ZNF250: variants seen among roughly 807,000 people sequenced by gnomAD.
ZNF250 encodes the protein zinc finger protein (clone 647).
Under a neutral mutation model 37.1 loss-of-function variants are expected in ZNF250, and 13 were observed. That is an observed-to-expected ratio of 0.35 (90% CI 0.23 to 0.56). ZNF250 has a LOEUF of 0.56. Ranked by LOEUF, ZNF250 falls within the 20% of genes least tolerant of loss-of-function variation. The probability of loss-of-function intolerance (pLI) is 0.87; values close to 1 mark genes in which losing one functional copy is unlikely to be tolerated. For missense variants in ZNF250, 474 were observed against 697.9 expected (o/e 0.68, Z 3.61); for synonymous variants, 251 against 265.6 (o/e 0.94, Z 0.54).
chr8:144,879,577 A>G lies in ZNF250; in HGVS notation c.*1938T>C, dbSNP rs925691957. 1 of 152,296 alleles carries G rather than the reference A, an allele frequency of 6.6e-6. No homozygotes were observed. The highest frequency in any genetic ancestry group is 1.5e-5 in the Non-Finnish European group (1 of 68,094). The allele number at this position is 152,296 out of a possible 1,614,324, so 9.4% of individuals were successfully genotyped here. On this transcript the variant is annotated 3_prime_UTR_variant, in exon 6 of 6. Coordinates refer to ENST00000417550, the MANE Select transcript of ZNF250 (RefSeq NM_001109689.4). ...GAGCAAGACCGTCTTTAAAACAAAC[A>G]AAAAGGATCAATATCCTGGTGACTA... is the stretch of plus-strand genomic sequence containing the variant.
At chr8:144,899,160 T>C (rs1438206925) in intron 1 of ZNF250, among the ~76,000 whole-genome samples, 1 of 152,090 alleles carries the variant, frequency 6.6e-6, no homozygotes, top group Non-Finnish European at 1.5e-5. Context: ...TTCACTCGTA[T>C]GTGTGAGTTA....
intron 4 of ZNF250, among the ~76,000 whole-genome samples, chr8:144,889,282 A>C (rs962286594): frequency 6.6e-6 from 1 of 152,238 alleles, no homozygotes; most frequent in African/African-American, 2.4e-5. Flanking sequence ...ATTAGGACCA[A>C]ATCTGGCTAA....
At chr8:144,893,396 T>A (rs1229249301) in intron 1 of ZNF250, among the ~76,000 whole-genome samples, 2 of 152,122 alleles carry the variant, frequency 1.3e-5, no homozygotes, top group Admixed American at 1.3e-4. Flanking sequence ...AGTGGCATGA[T>A]CTAGGCTCAC....
chr8:144,899,524 A>G (rs954602563), intron 1 of ZNF250, among the ~76,000 whole-genome samples: 9 of 152,200 alleles, frequency 5.9e-5, no homozygotes, highest in South Asian at 2.1e-4. Context: ...ATTATATTCA[A>G]TAAAAAAGAA....
rs1365519907 is a variant in ZNF250, at chr8:144,898,199, A to G, written c.-55+3200T>C. ...GTAATTCCAGCTCCTCCCAAGGCTG[A>G]GGCATGAGAATTGCTTGAACCTGGG... On this transcript the variant is annotated intron_variant, in intron 1 of 5. Coordinates refer to ENST00000417550, the MANE Select transcript of ZNF250 (RefSeq NM_001109689.4). Among the ~76,000 whole-genome samples the G allele has an allele frequency of 3.9e-5, 6 of 152,294 alleles. No individual in the cohort carries two copies. In the East Asian group the frequency reaches 1.2e-3, roughly 29 times the overall value.
chr8:144,899,386 G>C (rs1832954835), intron 1 of ZNF250, among the ~76,000 whole-genome samples: 1 of 152,114 alleles, frequency 6.6e-6, no homozygotes, highest in Non-Finnish European at 1.5e-5. Flanking sequence ...GAAGAGATGT[G>C]AAATGTTTCC....
chr8:144,899,441 T>C (rs1190763016), intron 1 of ZNF250, among the ~76,000 whole-genome samples: 3 of 152,244 alleles, frequency 2.0e-5, no homozygotes, highest in Admixed American at 2.0e-4. Flanking sequence ...CTAATTACCC[T>C]GATTTGATCA....
chr8:144,888,409 C>T (rs922211761), intron 4 of ZNF250, among the ~76,000 whole-genome samples: 2 of 151,842 alleles, frequency 1.3e-5, no homozygotes, highest in Admixed American at 1.3e-4. Flanking sequence ...CTAGCCTGGC[C>T]AACATGGTGA....
intron 1 of ZNF250, among the ~76,000 whole-genome samples, chr8:144,898,022 T>A (rs1832834565): frequency 6.6e-6 from 1 of 152,192 alleles, no homozygotes; most frequent in African/African-American, 2.4e-5. Flanking sequence ...TACAGAGATT[T>A]TGTTTATGGC....
intron 5 of ZNF250, among the ~76,000 whole-genome samples, chr8:144,886,361 A>G (rs1037591807): frequency 1.3e-5 from 2 of 152,156 alleles, no homozygotes; most frequent in Admixed American, 6.6e-5. Context: ...AACTAACTGC[A>G]TAAGAGACTA....
intron 1 of ZNF250, among the ~76,000 whole-genome samples, chr8:144,899,568 T>C (rs1832969615): frequency 6.6e-6 from 1 of 152,178 alleles, no homozygotes; most frequent in Non-Finnish European, 1.5e-5. Context: ...TTTTATTATT[T>C]CATGTGGGAA....
Position 144,890,082 on chromosome 8 carries a change from A to G in ZNF250, c.43-23T>C. 6.2e-7 allele frequency: 1 copy of G among 1,607,506 alleles called. No homozygotes were observed. The highest frequency in any genetic ancestry group is 8.5e-7 in the Non-Finnish European group (1 of 1,176,918). On this transcript the variant is annotated intron_variant, in intron 2 of 5. Coordinates refer to ENST00000417550, the MANE Select transcript of ZNF250 (RefSeq NM_001109689.4). This position sits in a 1 kb window ranked among gnomAD's most constrained non-coding sequence, Gnocchi z 5.1. ...GGCCTGGAACGACAGGGGCTGCTGC[A>G]GGTAAAACCAAATCCTGATGTCTGT...
Position 144,878,178 on chromosome 8 carries a change from C to A in ZNF250, c.*3337G>T, listed in dbSNP as rs1563868339. ...GTGATCTCTTGGCTCTGAAGTAACA[C>A]CTCAGTAATCTCAGTTCCTCTTTGG... On this transcript the variant is annotated 3_prime_UTR_variant, in exon 6 of 6. Transcript: ENST00000417550. The A allele has an allele frequency of 6.6e-6, 1 of 152,224 alleles. No individual in the cohort carries two copies. Among genetic ancestry groups the A allele is most frequent in the Non-Finnish European group, 1.5e-5 (1 of 68,048 alleles). The allele number at this position is 152,224 out of a possible 1,614,324, so 9.4% of individuals were successfully genotyped here.
Position 144,897,371 on chromosome 8 carries a change from C to A in ZNF250, c.-55+4028G>T, listed in dbSNP as rs1042932011. Reference sequence around the variant, plus strand: ...TTCTGAGCCACTTGTGAGCACAAGGCGAAACACTGCTAAACTTGACCTAAT... The same window carrying A: ...TTCTGAGCCACTTGTGAGCACAAGGAGAAACACTGCTAAACTTGACCTAAT... On this transcript the variant is annotated intron_variant, in intron 1 of 5. Coordinates refer to ENST00000417550, the MANE Select transcript of ZNF250 (RefSeq NM_001109689.4). The surrounding 1 kb of genome is among the most constrained non-coding windows in gnomAD (Gnocchi z 5.2). 1.3e-5 allele frequency among the ~76,000 whole-genome samples: 2 copies of A among 152,314 alleles called. No homozygotes were observed. Among genetic ancestry groups the A allele is most frequent in the African/African-American group, 4.8e-5 (2 of 41,570 alleles).
chr8:144,887,162 A>G (rs1396353792), intron 4 of ZNF250, among the ~76,000 whole-genome samples: 1 of 149,024 alleles, frequency 6.7e-6, no homozygotes, highest in East Asian at 2.0e-4. Flanking sequence ...AGGCAGGAGA[A>G]TCGCTTGAAC....
chr8:144,884,361 C>T (rs901515180), intron 5 of ZNF250, among the ~76,000 whole-genome samples: 4 of 152,232 alleles, frequency 2.6e-5, no homozygotes, highest in African/African-American at 9.6e-5. Context: ...AAGTGATTCT[C>T]CTGCCTCAGC....
chr8:144,895,604 G>A (rs908006701), intron 1 of ZNF250, among the ~76,000 whole-genome samples: 3 of 152,140 alleles, frequency 2.0e-5, no homozygotes, highest in Non-Finnish European at 4.4e-5. Context: ...CAAGTGTGTG[G>A]CAAGGAGAAG....
At position 144,890,400 on chromosome 8, in the gene ZNF250, G is replaced by T; in HGVS notation, c.-51C>A. 6.9e-7 allele frequency: 1 copy of T among 1,441,156 alleles called. No homozygotes were observed. 89.3% of individuals were successfully genotyped at this position (1,441,156 alleles called of 1,614,324 possible). A position where few individuals can be genotyped will look rare whatever the true frequency, so the allele number is the denominator to read the frequency against. On this transcript the variant is annotated 5_prime_UTR_variant, in exon 2 of 6. Transcript: ENST00000417550. The surrounding 1 kb of genome is among the most constrained non-coding windows in gnomAD (Gnocchi z 5.1). ...GATCACGGAAATTGAAGGAGCCTAT[G>T]GGGCTGAGGAAGAGGAGGGGGCAAG...
chr8:144,883,591 C>T (rs1377567090), intron 5 of ZNF250, among the ~76,000 whole-genome samples: 1 of 152,080 alleles, frequency 6.6e-6, no homozygotes, highest in Non-Finnish European at 1.5e-5. Context: ...TCACCCACCT[C>T]GGCCTCCCAA....
Sources: gnomAD v4.1 joint callset for allele counts (sites outside exome capture counted in the v4.1 genomes callset) on GRCh38, gnomAD v4.1.1 for gene constraint, Gnocchi (gnomAD v3.1) non-coding constraint, MANE v1.5 for transcripts, NCBI Gene and HGNC (gene_info 2026-07-23, HGNC 2026-07-21) for gene names.